Variants in NR3C2 observed in about 807,000 individuals in gnomAD.
NR3C2 encodes nuclear receptor subfamily 3 group C member 2, also known as mineralocorticoid receptor.
In NR3C2, 15 loss-of-function variants were observed where a neutral mutation model predicts 86.4. That is an observed-to-expected ratio of 0.17 (90% confidence interval 0.12 to 0.27). The LOEUF (loss-of-function observed/expected upper bound fraction) is 0.27, where lower values mean the gene tolerates loss of function less well. NR3C2 is among the 10% of genes least tolerant of loss of function. NR3C2 has a pLI of 1.00. For missense variants in NR3C2, 960 were observed against 1,195.6 expected, an observed-to-expected ratio of 0.80 and a Z score of 2.91; for synonymous variants, 458 against 450.5, an observed-to-expected ratio of 1.02 and a Z score of -0.21.
At chr4:148,131,492 C>T (rs759162142) in intron 6 of NR3C2, among the ~76,000 whole-genome samples, 18 of 152,104 alleles carry the variant, frequency 1.2e-4, no homozygotes, top group Non-Finnish European at 2.5e-4. Flanking sequence ...CAAATTATTC[C>T]AGTTTACTGT....
chr4:148,087,378 A>G (rs1730863119), intron 8 of NR3C2, among the ~76,000 whole-genome samples: 1 of 152,222 alleles, frequency 6.6e-6, no homozygotes, highest in Non-Finnish European at 1.5e-5. Flanking sequence ...CTTTCTTCAC[A>G]GAATTAGAAA....
chr4:148,389,208 T>C (rs1259753003), intron 2 of NR3C2, among the ~76,000 whole-genome samples: 1 of 151,808 alleles, frequency 6.6e-6, no homozygotes, highest in Non-Finnish European at 1.5e-5. Context: ...TTAACAGCAG[T>C]GAGGAGCCTG....
intron 4 of NR3C2, among the ~76,000 whole-genome samples, chr4:148,188,201 CT>C (rs1178725874): frequency 6.6e-6 from 1 of 152,052 alleles, no homozygotes; most frequent in African/African-American, 2.4e-5. Context: ...TATGTAGGCT[CT>C]TTTTTAGTTC....
chr4:148,201,932 TATGAG>T (rs1312479369), intron 3 of NR3C2, among the ~76,000 whole-genome samples: 1 of 152,104 alleles, frequency 6.6e-6, no homozygotes, highest in African/African-American at 2.4e-5. Context: ...GAGAGTTAGA[TATGAG>T]ATATGAAAAG....
intron 1 of NR3C2, among the ~76,000 whole-genome samples, chr4:148,438,854 T>G (rs1451754847): frequency 6.6e-6 from 1 of 152,360 alleles, no homozygotes; most frequent in East Asian, 1.9e-4. Context: ...TCAATTTCAC[T>G]ACAGTATCCC....
At chr4:148,245,364 T>C (rs1739269345) in intron 3 of NR3C2, among the ~76,000 whole-genome samples, 1 of 152,120 alleles carries the variant, frequency 6.6e-6, no homozygotes, top group Non-Finnish European at 1.5e-5. Context: ...GAGTGTCACA[T>C]GATGAAATAA....
At chr4:148,102,299 T>G (rs1285191319) in intron 8 of NR3C2, among the ~76,000 whole-genome samples, 4 of 152,188 alleles carry the variant, frequency 2.6e-5, no homozygotes, top group Non-Finnish European at 5.9e-5. Context: ...CAGTGACCAC[T>G]CACATGCTGC....
intron 4 of NR3C2, among the ~76,000 whole-genome samples, chr4:148,175,735 C>T: frequency 6.6e-6 from 1 of 151,988 alleles, no homozygotes; most frequent in East Asian, 1.9e-4. Flanking sequence ...AAAGATGAAA[C>T]AGTTTGAATT....
intron 3 of NR3C2, among the ~76,000 whole-genome samples, chr4:148,253,715 A>C (rs1193143380): frequency 6.6e-6 from 1 of 152,050 alleles, no homozygotes; most frequent in East Asian, 1.9e-4. Context: ...ACTCCCCTTT[A>C]TCCTAACAAT....
rs1579071575 is a variant in NR3C2, at chr4:148,254,960, A to C, written c.1897+5018T>G. On this transcript the variant is annotated intron_variant, in intron 3 of 8. Coordinates refer to ENST00000358102, the MANE Select transcript of NR3C2 (RefSeq NM_000901.5). ...ATCAGTTAACTGTACATTGCCAGCT[A>C]TAAGGAGATAGCTATATTTGAATTA... 2.0e-5 allele frequency among the ~76,000 whole-genome samples: 3 copies of C among 152,288 alleles called. No individual in the cohort carries two copies. The South Asian group carries it at 6.2e-4, about 32-fold the overall frequency.
intron 2 of NR3C2, among the ~76,000 whole-genome samples, chr4:148,273,014 C>T (rs550192307): frequency 2.1e-4 from 32 of 152,270 alleles, no homozygotes; most frequent in Middle Eastern, 6.8e-3. Flanking sequence ...CAAATGTCTT[C>T]GTGCCATGTA....
At chr4:148,313,592 G>A (rs1226093470) in intron 2 of NR3C2, among the ~76,000 whole-genome samples, 4 of 152,282 alleles carry the variant, frequency 2.6e-5, no homozygotes, top group East Asian at 3.9e-4. Flanking sequence ...GAACTTCAGT[G>A]ATATACTCAA....
At chr4:148,253,486 G>C (rs1379507856) in intron 3 of NR3C2, among the ~76,000 whole-genome samples, 2 of 152,164 alleles carry the variant, frequency 1.3e-5, no homozygotes, top group African/African-American at 4.8e-5. Context: ...CAATGTTCTA[G>C]ACTTATGTTC....
chr4:148,293,826 T>C (rs938109966), intron 2 of NR3C2, among the ~76,000 whole-genome samples: 3 of 152,176 alleles, frequency 2.0e-5, no homozygotes, highest in Non-Finnish European at 4.4e-5. Context: ...AGGTAATGGT[T>C]ACAAAAGTCT....
At chr4:148,175,620 T>C (rs958161530) in intron 4 of NR3C2, among the ~76,000 whole-genome samples, 2 of 152,240 alleles carry the variant, frequency 1.3e-5, no homozygotes, top group Non-Finnish European at 2.9e-5. Context: ...TTTATATGCA[T>C]GCATTATATA....
chr4:148,257,013 C>T (rs1739866130), intron 3 of NR3C2, among the ~76,000 whole-genome samples: 1 of 152,116 alleles, frequency 6.6e-6, no homozygotes, highest in Non-Finnish European at 1.5e-5. Flanking sequence ...GCCTTAAGGA[C>T]ATCAACTCAA....
intron 2 of NR3C2, among the ~76,000 whole-genome samples, chr4:148,298,835 T>C (rs756975312): frequency 6.6e-6 from 1 of 152,250 alleles, no homozygotes; most frequent in Non-Finnish European, 1.5e-5. Context: ...ACTTGATGAA[T>C]AAGCAACCTG....
At chr4:148,444,104 C>T (rs1750482661), upstream of NR3C2, 26 of 985,418 alleles carry the variant, frequency 2.6e-5, no homozygotes, top group Non-Finnish European at 2.9e-5. Context: ...ATCGATCTCA[C>T]GTCGGCAGAG....
chr4:148,327,509 G>A (rs943512818), intron 2 of NR3C2, among the ~76,000 whole-genome samples: 24 of 152,270 alleles, frequency 1.6e-4, no homozygotes, highest in Middle Eastern at 3.4e-3. Flanking sequence ...ACCTCTAAAG[G>A]TATGGAATGC....
Sources: allele counts gnomAD v4.1 joint callset (sites outside exome capture counted in the v4.1 genomes callset), GRCh38; gene constraint gnomAD v4.1.1; transcripts MANE v1.5; gene names NCBI Gene and HGNC (gene_info 2026-07-23, HGNC 2026-07-21).